Variants in DIP2C observed in about 807,000 individuals in gnomAD.
DIP2C encodes disco-interacting protein 2 homolog C.
A neutral mutation model predicts 192.4 loss-of-function variants in DIP2C; 33 were observed. The ratio of observed to expected loss-of-function variants is 0.17; its 90% CI spans 0.13 to 0.23. The LOEUF is 0.23. DIP2C is among the 10% of genes least tolerant of loss of function. The pLI is 1.00. For missense variants in DIP2C, 1,537 were observed against 2,110.1 expected (o/e 0.73, Z 5.32); for synonymous variants, 979 against 864.1 (o/e 1.13, Z -2.33).
chr10:606,146 G>A (rs1049127755), intron 1 of DIP2C, among the ~76,000 whole-genome samples: 8 of 152,220 alleles, frequency 5.3e-5, no homozygotes, highest in Non-Finnish European at 7.3e-5. Flanking sequence ...GCTGCTTTCT[G>A]GGTTCTAAGT....
At position 308,422 on chromosome 10, in the gene DIP2C, G is replaced by C. The variant is rs1221018877; in HGVS notation, c.3986+1609C>G. ...GTCAGGGAAAAGGTTACGCTTTGAG[G>C]GCCAGGCCACAGACAGAACTGCATA... On this transcript the variant is annotated intron_variant, in intron 32 of 36. Transcript: ENST00000280886. Among the ~76,000 whole-genome samples the C allele has an allele frequency of 1.3e-5, 2 of 150,484 alleles. 1 individual carries two copies. The highest frequency in any genetic ancestry group is 5.0e-5 in the African/African-American group (2 of 39,856).
intron 14 of DIP2C, among the ~76,000 whole-genome samples, chr10:386,127 G>A (rs189681585): frequency 3.3e-5 from 5 of 152,300 alleles, no homozygotes; most frequent in East Asian, 3.9e-4. Context: ...CGTCACAGCC[G>A]GAAAGTTGGG....
At position 321,403 on chromosome 10, in the gene DIP2C, G is replaced by A. The variant is rs938168290; in HGVS notation, c.3924+5603C>T. Reference sequence around the variant, plus strand: ...ACACATCCTAAGCCCTGCTGCACACGGGTGAGGCTCCCTCTCTCTTTTGGA... The same window carrying A: ...ACACATCCTAAGCCCTGCTGCACACAGGTGAGGCTCCCTCTCTCTTTTGGA... On this transcript the variant is annotated intron_variant, in intron 31 of 36. Coordinates refer to ENST00000280886, the MANE Select transcript of DIP2C (RefSeq NM_014974.3). Among the ~76,000 whole-genome samples, 9 of 152,288 alleles carry A rather than the reference G, an allele frequency of 5.9e-5. No homozygotes were observed. In the South Asian group the frequency reaches 6.2e-4, roughly 11 times the overall value.
intron 2 of DIP2C, among the ~76,000 whole-genome samples, chr10:473,546 G>A (rs1381945209): frequency 4.7e-5 from 7 of 149,954 alleles, no homozygotes; most frequent in South Asian, 2.1e-4. Context: ...CAGGAAGGAC[G>A]TCATCCTATG....
chr10:449,547 C>CTGCCT lies in DIP2C; in HGVS notation c.269-8552_269-8551insAGGCA, dbSNP rs1968657575. 4.1e-5 allele frequency among the ~76,000 whole-genome samples: 6 copies of CTGCCT among 145,546 alleles called. No homozygotes were observed. The South Asian group carries it at 1.1e-3, about 26-fold the overall frequency. ...AAAGTGGTATGTGGCTTACTCCAGG[C>CTGCCT]TAAGGAGTGAGTAAGGCAGCCTATT... On this transcript the variant is annotated intron_variant, in intron 3 of 36. Transcript: ENST00000280886.
chr10:449,950 C>T lies in DIP2C; in HGVS notation c.269-8954G>A, dbSNP rs966488962. 1.4e-4 allele frequency among the ~76,000 whole-genome samples: 20 copies of T among 145,224 alleles called. No homozygotes were observed. In the South Asian group the frequency reaches 4.1e-3, roughly 30 times the overall value. On this transcript the variant is annotated intron_variant, in intron 3 of 36. Coordinates refer to ENST00000280886, the MANE Select transcript of DIP2C (RefSeq NM_014974.3). ...AAAAAAAAAAAAGAAAATCTGAGAA[C>T]AAGATATCATTGTGAGATTGTTATC...
rs533266847 is a variant in DIP2C at position 644,595 on chromosome 10, G to A, written c.85+44899C>T. On this transcript the variant is annotated intron_variant, in intron 1 of 36. Coordinates refer to ENST00000280886, the MANE Select transcript of DIP2C (RefSeq NM_014974.3). ...GGCAGGTGCAGCTGAAACAACGTCC[G>A]GGGGCAACCCCCACCCCCACTTCTC... Among the ~76,000 whole-genome samples, 61 of 150,074 alleles carry A rather than the reference G, an allele frequency of 4.1e-4. No individual in the cohort carries two copies. The Middle Eastern group carries it at 0.011, about 26-fold the overall frequency.
In DIP2C at chr10:421,194, G is replaced by A. The variant is rs774065182; in HGVS notation, c.604+1630C>T. Among the ~76,000 whole-genome samples, 3 of 152,168 alleles carry A rather than the reference G, an allele frequency of 2.0e-5. No individual in the cohort carries two copies. In the South Asian group the frequency reaches 6.2e-4, roughly 31 times the overall value. On this transcript the variant is annotated intron_variant, in intron 5 of 36. Coordinates refer to ENST00000280886, the MANE Select transcript of DIP2C (RefSeq NM_014974.3). ...ATTACCGGAATGTGGTCACCCGAGA[G>A]TTACATTTGGGTCACACTGAGCCTT... is the stretch of plus-strand genomic sequence containing the variant.
chr10:586,533 C>A (rs1044366879), intron 1 of DIP2C, among the ~76,000 whole-genome samples: 6 of 152,204 alleles, frequency 3.9e-5, no homozygotes, highest in African/African-American at 1.2e-4. Flanking sequence ...ACTTTCTCGG[C>A]CTCCTCCGGG....
At chr10:470,674 G>A (rs1970556369) in intron 3 of DIP2C, among the ~76,000 whole-genome samples, 1 of 152,186 alleles carries the variant, frequency 6.6e-6, no homozygotes, top group South Asian at 2.1e-4. Flanking sequence ...CTGCAGCATC[G>A]TGGAGAGAGA....
At chr10:317,747 AGATG>A (rs916651687) in intron 31 of DIP2C, among the ~76,000 whole-genome samples, 1 of 152,256 alleles carries the variant, frequency 6.6e-6, no homozygotes, top group African/African-American at 2.4e-5. Context: ...TCCTGGAGAC[AGATG>A]GAAAGACTCA....
intron 1 of DIP2C, among the ~76,000 whole-genome samples, chr10:530,629 G>A (rs1847308981): frequency 7.5e-6 from 1 of 133,342 alleles, no homozygotes; most frequent in African/African-American, 2.8e-5. Context: ...ATTAGCCTGG[G>A]CAATACAGCA....
intron 4 of DIP2C, among the ~76,000 whole-genome samples, chr10:424,354 G>GTTTTTTTT (rs1564695965): frequency 5.8e-5 from 7 of 121,028 alleles, no homozygotes; most frequent in Non-Finnish European, 8.0e-5. Context: ...TATCACCTTG[G>GTTTTTTTT]GTTTTTTTTT....
At chr10:333,920 T>C (rs1473089644) in intron 29 of DIP2C, among the ~76,000 whole-genome samples, 1 of 152,196 alleles carries the variant, frequency 6.6e-6, no homozygotes, top group Admixed American at 6.5e-5. Flanking sequence ...TCTTTTCACG[T>C]CCTTATTGGC....
chr10:387,687 G>A (rs1306455438), intron 14 of DIP2C, 58 bp downstream of exon 14: 3 of 1,524,146 alleles, frequency 2.0e-6, no homozygotes, highest in African/African-American at 1.4e-5. Flanking sequence ...GTGTGGACAG[G>A]CAGGGCAGGG....
chr10:385,006 C>G (rs142512162), intron 14 of DIP2C, among the ~76,000 whole-genome samples: 1 of 146,658 alleles, frequency 6.8e-6, no homozygotes, highest in African/African-American at 2.5e-5. Context: ...CCCGGAAGAG[C>G]AGCAGGTCTC....
intron 29 of DIP2C, among the ~76,000 whole-genome samples, chr10:332,304 C>T (rs1357574522): frequency 6.6e-6 from 1 of 152,202 alleles, no homozygotes; most frequent in Non-Finnish European, 1.5e-5. Context: ...GAATTGTCAG[C>T]ACACAACGGG....
At chr10:526,781 G>A (rs889440588) in intron 1 of DIP2C, among the ~76,000 whole-genome samples, 1 of 152,202 alleles carries the variant, frequency 6.6e-6, no homozygotes, top group Non-Finnish European at 1.5e-5. Context: ...CCTCAGCACT[G>A]TGTGCCTCTT....
At chr10:337,402 A>AGGC (rs1428882503) in intron 29 of DIP2C, among the ~76,000 whole-genome samples, 2 of 118,094 alleles carry the variant, frequency 1.7e-5, no homozygotes, top group African/African-American at 6.6e-5. Context: ...GTGGAGGCCT[A>AGGC]CGTAGCTGTG....
Sources: allele counts gnomAD v4.1 joint callset (sites outside exome capture counted in the v4.1 genomes callset), GRCh38; gene constraint gnomAD v4.1.1; transcripts MANE v1.5; gene names NCBI Gene and HGNC (gene_info 2026-07-23, HGNC 2026-07-21).